MAGI2: variants seen among roughly 807,000 people sequenced by gnomAD.
MAGI2 encodes the protein membrane-associated guanylate kinase, WW and PDZ domain-containing protein 2.
Under a neutral mutation model 133.3 loss-of-function variants are expected in MAGI2, and 35 were observed. The ratio of observed to expected loss-of-function variants is 0.26; its 90% CI spans 0.20 to 0.35. The LOEUF (loss-of-function observed/expected upper bound fraction) is 0.35, where lower values mean the gene tolerates loss of function less well. MAGI2 is among the 10% of genes least tolerant of loss of function. The pLI, the probability that MAGI2 is intolerant of heterozygous loss-of-function variation, is 1.00. For missense variants in MAGI2, 1,636 were observed against 1,863.4 expected, an observed-to-expected ratio of 0.88 and a Z score of 2.25; for synonymous variants, 729 against 710.6, an observed-to-expected ratio of 1.03 and a Z score of -0.41.
chr7:78,484,654 A>G (rs1455470181), intron 6 of MAGI2: 1 of 148,218 alleles, frequency 6.7e-6, no homozygotes, highest in African/African-American at 2.5e-5. Context: ...ATAGTAATTC[A>G]AAGTTGTTAA....
At chr7:78,318,354 A>C (rs944431945) in intron 9 of MAGI2, among the ~76,000 whole-genome samples, 1 of 152,200 alleles carries the variant, frequency 6.6e-6, no homozygotes, top group African/African-American at 2.4e-5. Flanking sequence ...CAAATCGATT[A>C]AGCAGAAGAA....
In MAGI2 at chr7:78,489,665, G is replaced by A. The variant is rs1548868; in HGVS notation, c.1045+96C>T. On this transcript the variant is annotated intron_variant, in intron 6 of 21. Coordinates refer to ENST00000354212, the MANE Select transcript of MAGI2 (RefSeq NM_012301.4). ...ACATTACATCGTTAAAATTGTTTCA[G>A]CTAGATTATTGCCTCTTCAGGTGAG... The A allele has an allele frequency of 0.29, 252,076 of 869,242 alleles. 37,863 individuals are homozygous for A. The highest frequency in any genetic ancestry group is 0.42 in the African/African-American group (24,911 of 58,856). The allele number at this position is 869,242 out of a possible 1,614,324, so 53.8% of individuals were successfully genotyped here.
At chr7:78,766,147 A>G (rs2151309470) in intron 2 of MAGI2, among the ~76,000 whole-genome samples, 1 of 152,312 alleles carries the variant, frequency 6.6e-6, no homozygotes. Context: ...GAAAGCTCTC[A>G]TCCCTGTGCC....
intron 1 of MAGI2, among the ~76,000 whole-genome samples, chr7:79,428,290 T>C (rs924400521): frequency 6.6e-6 from 1 of 152,284 alleles, no homozygotes. Flanking sequence ...AAGTATTGCT[T>C]TATAAATAAT....
chr7:78,898,657 A>T (rs375732270), intron 2 of MAGI2, among the ~76,000 whole-genome samples: 9 of 152,110 alleles, frequency 5.9e-5, no homozygotes, highest in African/African-American at 2.2e-4. Flanking sequence ...CTATCAGAGG[A>T]TCAGGGTGGG....
chr7:78,105,621 C>T (rs1047791099), intron 20 of MAGI2, among the ~76,000 whole-genome samples: 5 of 152,090 alleles, frequency 3.3e-5, no homozygotes, highest in African/African-American at 9.7e-5. Flanking sequence ...AACATCTTTT[C>T]ATATGTTTGA....
intron 1 of MAGI2, among the ~76,000 whole-genome samples, chr7:79,062,472 G>A (rs896270292): frequency 6.6e-6 from 1 of 151,978 alleles, no homozygotes; most frequent in Non-Finnish European, 1.5e-5. Flanking sequence ...TGTCATCCTT[G>A]TTTTCTGTTC....
At chr7:78,397,366 T>TACACACACACACAC (rs71085528) in intron 6 of MAGI2, among the ~76,000 whole-genome samples, 71 of 147,818 alleles carry the variant, frequency 4.8e-4, no homozygotes, top group East Asian at 1.8e-3. Context: ...TTGAAATTCC[T>TACACACACACACAC]ACACACACAC....
intron 2 of MAGI2, among the ~76,000 whole-genome samples, chr7:78,828,237 G>A (rs1006831859): frequency 6.6e-6 from 1 of 152,176 alleles, no homozygotes; most frequent in African/African-American, 2.4e-5. Flanking sequence ...AAAAGGTACA[G>A]TATGGCAAAA....
chr7:79,010,704 T>C (rs1490092237), intron 1 of MAGI2, among the ~76,000 whole-genome samples: 4 of 152,122 alleles, frequency 2.6e-5, no homozygotes, highest in African/African-American at 9.7e-5. Context: ...ATTTGTACTT[T>C]TTCCTTCAAA....
At chr7:79,076,622 G>A (rs984687992) in intron 1 of MAGI2, among the ~76,000 whole-genome samples, 4 of 152,082 alleles carry the variant, frequency 2.6e-5, no homozygotes, top group East Asian at 1.9e-4. Flanking sequence ...TGCATATCCC[G>A]TTTTCCTGTA....
At chr7:79,409,228 T>C (rs1000316248) in intron 1 of MAGI2, among the ~76,000 whole-genome samples, 1 of 148,016 alleles carries the variant, frequency 6.8e-6, no homozygotes, top group African/African-American at 2.6e-5. Flanking sequence ...ATTAAAAAAA[T>C]TTTTTTTCAG....
intron 1 of MAGI2, among the ~76,000 whole-genome samples, chr7:79,421,525 T>C (rs954338289): frequency 6.6e-6 from 1 of 151,946 alleles, no homozygotes; most frequent in Non-Finnish European, 1.5e-5. Context: ...GGAATTAAAC[T>C]TACAAAAGGT....
rs1173893593 is a variant in MAGI2, at chr7:78,195,140, C to CTTTT, written c.2080-81_2080-78dup. 2.4e-6 allele frequency: 3 copies of CTTTT among 1,247,578 alleles called. No individual in the cohort carries two copies. The African/African-American group carries it at 4.6e-5, about 19-fold the overall frequency. 77.3% of individuals were successfully genotyped at this position (1,247,578 alleles called of 1,614,324 possible). ...TTTCTCTTGTCACCTTTAGGTTAAC[C>CTTTT]TTTTTTGCCTTGTGGACTTTTCTTC... On this transcript the variant is annotated intron_variant, in intron 11 of 21. Transcript: ENST00000354212.
chr7:79,362,128 C>CTT (rs60939612), intron 1 of MAGI2, among the ~76,000 whole-genome samples: 71 of 151,584 alleles, frequency 4.7e-4, no homozygotes, highest in African/African-American at 1.4e-3. Flanking sequence ...AAACACATAG[C>CTT]TTTTTTTTAA....
At chr7:79,381,791 A>G (rs975640371) in intron 1 of MAGI2, among the ~76,000 whole-genome samples, 2 of 151,804 alleles carry the variant, frequency 1.3e-5, no homozygotes, top group African/African-American at 4.8e-5. Context: ...ATAACTACAC[A>G]GATATAGCCT....
intron 1 of MAGI2, among the ~76,000 whole-genome samples, chr7:79,394,398 G>A (rs1481441108): frequency 6.6e-6 from 1 of 152,164 alleles, no homozygotes; most frequent in East Asian, 1.9e-4. Flanking sequence ...CCCACTGATT[G>A]TGCCGATTCC....
At chr7:78,917,520 C>T (rs1019589232) in intron 2 of MAGI2, among the ~76,000 whole-genome samples, 3 of 151,986 alleles carry the variant, frequency 2.0e-5, no homozygotes, top group African/African-American at 4.8e-5. Flanking sequence ...CTGTTCTTCC[C>T]GGTTTTATCC....
intron 2 of MAGI2, among the ~76,000 whole-genome samples, chr7:78,993,334 T>C (rs1805975907): frequency 4.6e-5 from 7 of 152,112 alleles, no homozygotes; most frequent in Admixed American, 4.6e-4. Flanking sequence ...TTTGACAACA[T>C]AAAACAAGGC....
Sources: gnomAD v4.1 joint callset for allele counts (sites outside exome capture counted in the v4.1 genomes callset) on GRCh38, gnomAD v4.1.1 for gene constraint, MANE v1.5 for transcripts, NCBI Gene and HGNC (gene_info 2026-07-23, HGNC 2026-07-21) for gene names.